Variants in WDR7 observed in about 807,000 individuals in gnomAD.
WDR7 encodes WD repeat domain 7, also known as WD repeat-containing protein 7.
Under a neutral mutation model 169.4 loss-of-function variants are expected in WDR7, and 46 were observed. The ratio of observed to expected loss-of-function variants is 0.27; its 90% CI spans 0.21 to 0.35. The LOEUF (loss-of-function observed/expected upper bound fraction) is 0.35, where lower values mean the gene tolerates loss of function less well. WDR7 is among the 10% of genes least tolerant of loss of function. The pLI is 1.00. For synonymous variants in WDR7, 612 were observed against 666.8 expected (o/e 0.92, Z 1.27); for missense variants, 1,534 against 1,859.3 (o/e 0.83, Z 3.22).
chr18:56,893,207 G>A (rs1047805778), intron 21 of WDR7, among the ~76,000 whole-genome samples: 2 of 149,112 alleles, frequency 1.3e-5, no homozygotes, highest in African/African-American at 4.9e-5. Flanking sequence ...TTTTTTTTCT[G>A]CATTAGGACA....
chr18:56,721,224 T>C (rs566425231), intron 13 of WDR7, among the ~76,000 whole-genome samples: 1 of 152,286 alleles, frequency 6.6e-6, no homozygotes, highest in Non-Finnish European at 1.5e-5. Context: ...AATTTTCTAG[T>C]TATTGTTTTG....
intron 20 of WDR7, among the ~76,000 whole-genome samples, chr18:56,858,870 T>C (rs539110538): frequency 6.6e-6 from 1 of 152,334 alleles, no homozygotes; most frequent in South Asian, 2.1e-4. Context: ...CCCTGCCTTC[T>C]TGCAGGGGGA....
At chr18:56,981,036 G>A (rs1458778412) in intron 26 of WDR7, among the ~76,000 whole-genome samples, 1 of 152,164 alleles carries the variant, frequency 6.6e-6, no homozygotes, top group African/African-American at 2.4e-5. Context: ...GTAGAAATGG[G>A]GAGACTAGTT....
At chr18:56,876,308 T>C (rs2046021193) in intron 20 of WDR7, among the ~76,000 whole-genome samples, 2 of 152,100 alleles carry the variant, frequency 1.3e-5, no homozygotes, top group Admixed American at 1.3e-4. Flanking sequence ...GGTGGATTAG[T>C]ATTAGAAAGA....
intron 20 of WDR7, among the ~76,000 whole-genome samples, chr18:56,844,281 CATT>C (rs1223426511): frequency 6.6e-6 from 1 of 151,972 alleles, no homozygotes; most frequent in Non-Finnish European, 1.5e-5. Flanking sequence ...GGCAAAAGAA[CATT>C]ATAATAATTA....
Position 56,812,917 on chromosome 18 carries a change from G to A in WDR7, c.3191-3114G>A, listed in dbSNP as rs1200651625. Among the ~76,000 whole-genome samples the A allele has an allele frequency of 2.6e-5, 4 of 151,482 alleles. 1 individual carries two copies. In the East Asian group the frequency reaches 5.8e-4, roughly 22 times the overall value. On this transcript the variant is annotated intron_variant, in intron 19 of 27. Coordinates refer to ENST00000254442, the MANE Select transcript of WDR7 (RefSeq NM_015285.3). ...ACATAACCAGAGGTAATACTTTACC[G>A]GCTCTCTAGGTATCCCTTAATCCAA...
intron 21 of WDR7, among the ~76,000 whole-genome samples, chr18:56,897,992 G>T (rs2046352433): frequency 6.6e-6 from 1 of 151,852 alleles, no homozygotes; most frequent in Non-Finnish European, 1.5e-5. Flanking sequence ...CATACCTATA[G>T]CAAAGATGTT....
At chr18:56,910,428 TTCAC>T (rs1201125611) in intron 21 of WDR7, among the ~76,000 whole-genome samples, 2 of 152,216 alleles carry the variant, frequency 1.3e-5, no homozygotes, top group Non-Finnish European at 2.9e-5. Flanking sequence ...AATGTGGTCT[TTCAC>T]TCTATTTCAG....
chr18:56,797,370 C>G (rs535019801), intron 19 of WDR7, among the ~76,000 whole-genome samples: 1 of 152,198 alleles, frequency 6.6e-6, no homozygotes, highest in East Asian at 1.9e-4. Context: ...ACAACAAACC[C>G]ACCTTCTAGT....
At chr18:56,876,707 C>A (rs551388076) in intron 20 of WDR7, among the ~76,000 whole-genome samples, 30 of 152,070 alleles carry the variant, frequency 2.0e-4, no homozygotes, top group Non-Finnish European at 1.8e-4. Flanking sequence ...ACGTGACTGG[C>A]AATGTTAACC....
intron 1 of WDR7, among the ~76,000 whole-genome samples, chr18:56,670,399 A>G (rs1211374138): frequency 6.6e-6 from 1 of 152,192 alleles, no homozygotes; most frequent in East Asian, 1.9e-4. Flanking sequence ...TGTACTGAGT[A>G]CGAGTCGCCA....
At chr18:56,858,706 A>T (rs1165372329) in intron 20 of WDR7, among the ~76,000 whole-genome samples, 1 of 152,162 alleles carries the variant, frequency 6.6e-6, no homozygotes, top group African/African-American at 2.4e-5. Flanking sequence ...CCCAGGTATA[A>T]TTGGAGTTGT....
intron 12 of WDR7, among the ~76,000 whole-genome samples, chr18:56,704,023 T>A (rs2025894380): frequency 6.6e-6 from 1 of 152,202 alleles, no homozygotes; most frequent in Non-Finnish European, 1.5e-5. Context: ...ACCGTAATCC[T>A]TCATCATCCT....
At chr18:56,674,565 T>A (rs981082090) in intron 2 of WDR7, among the ~76,000 whole-genome samples, 2 of 152,220 alleles carry the variant, frequency 1.3e-5, no homozygotes, top group Admixed American at 6.5e-5. Context: ...ATATTCTAGA[T>A]ACAAATCCCT....
Position 56,765,914 on chromosome 18 carries a change from C to T in WDR7, c.2848+6961C>T, listed in dbSNP as rs79460722. Among the ~76,000 whole-genome samples the T allele has an allele frequency of 5.2e-3, 794 of 152,250 alleles. 6 individuals carry two copies. Among genetic ancestry groups the T allele is most frequent in the African/African-American group, 0.017 (712 of 41,570 alleles). On this transcript the variant is annotated intron_variant, in intron 16 of 27. Transcript: ENST00000254442. ...ATGTTGTTTTGCTGTACCTATCAAG[C>T]TGTCATCTAGGTTTTAAGCCCTGCA...
rs569514467 is a variant in WDR7, at chr18:57,020,725, A to G, written c.4165-20A>G. ...TCCTGTGAAATGCTTATCATTCATG[A>G]TATCTGAATTTTATTTTAGACAATC... On this transcript the variant is annotated intron_variant, in intron 26 of 27. Transcript: ENST00000254442. 8.7e-6 allele frequency: 14 copies of G among 1,608,796 alleles called. No individual in the cohort carries two copies. The South Asian group carries it at 1.2e-4, about 14-fold the overall frequency.
At chr18:56,979,538 C>T (rs1269262168) in intron 26 of WDR7, among the ~76,000 whole-genome samples, 2 of 152,300 alleles carry the variant, frequency 1.3e-5, no homozygotes, top group South Asian at 2.1e-4. Flanking sequence ...ATCTTGTTAA[C>T]CCTTTGTAGC....
chr18:56,686,098 G>T, intron 6 of WDR7, 66 bp downstream of exon 6: 1 of 1,314,904 alleles, frequency 7.6e-7, no homozygotes, highest in Non-Finnish European at 1.0e-6. Flanking sequence ...TTTTAGTAAT[G>T]ATATGCCCCT....
Position 56,694,952 on chromosome 18 carries a change from C to G in WDR7, c.1111C>G (p.Leu371Val). 1 of 1,612,838 alleles carries G rather than the reference C, an allele frequency of 6.2e-7. No homozygotes were observed. Among genetic ancestry groups the G allele is most frequent in the Non-Finnish European group, 8.5e-7 (1 of 1,179,062 alleles). Residue 371 changes from leucine to valine, a missense_variant and splice_region_variant, in exon 11 of 28, where the codon CTG becomes GTG. Transcript: ENST00000254442. ...TADKQGSEEG[L>V]AMTTSISLQE... ...TATACAAAACCAAACCTCTACAGGGCTGGCAATGACAACTTCTATTAGTTT... is the reference window on the plus strand; with the variant it reads ...TATACAAAACCAAACCTCTACAGGGGTGGCAATGACAACTTCTATTAGTTT...
Sources: gnomAD v4.1 joint callset for allele counts (sites outside exome capture counted in the v4.1 genomes callset) on GRCh38, gnomAD v4.1.1 for gene constraint, MANE v1.5 for transcripts, NCBI Gene and HGNC (gene_info 2026-07-23, HGNC 2026-07-21) for gene names.